SAMD4A: variants seen among roughly 807,000 people sequenced by gnomAD.
The protein encoded by SAMD4A is protein Smaug homolog 1.
A neutral mutation model predicts 81.3 loss-of-function variants in SAMD4A; 33 were observed. That is an observed-to-expected ratio of 0.41 (90% confidence interval 0.31 to 0.54). The LOEUF (loss-of-function observed/expected upper bound fraction) is 0.54, where lower values mean the gene tolerates loss of function less well. SAMD4A is among the 20% of genes least tolerant of loss of function. The probability of loss-of-function intolerance (pLI) is 0.37; values close to 1 mark genes in which losing one functional copy is unlikely to be tolerated. For missense variants in SAMD4A, 854 were observed against 951.1 expected (o/e 0.90, Z 1.34); for synonymous variants, 389 against 382.1 (o/e 1.02, Z -0.21).
chr14:54,708,719 T>A (rs761686126), intron 3 of SAMD4A, among the ~76,000 whole-genome samples: 2 of 151,632 alleles, frequency 1.3e-5, no homozygotes, highest in Admixed American at 6.6e-5. Flanking sequence ...GAGAGAAGAG[T>A]GATCAACTGA....
intron 2 of SAMD4A, among the ~76,000 whole-genome samples, chr14:54,577,783 CG>C (rs559256471): frequency 5.6e-4 from 85 of 152,012 alleles, no homozygotes; most frequent in East Asian, 1.9e-4. Flanking sequence ...GACAGAATGG[CG>C]GGGGGGCACT....
intron 6 of SAMD4A, 22 bp downstream of exon 6, chr14:54,751,559 C>G (rs2038101923): frequency 6.9e-7 from 1 of 1,449,872 alleles, no homozygotes; most frequent in South Asian, 1.2e-5. Flanking sequence ...GATGAGGGAA[C>G]ATTTCCACTT....
At chr14:54,721,471 G>A (rs1329699377) in intron 3 of SAMD4A, among the ~76,000 whole-genome samples, 1 of 152,140 alleles carries the variant, frequency 6.6e-6, no homozygotes, top group South Asian at 2.1e-4. Flanking sequence ...AATCTTTAAT[G>A]GGGAGTGTCT....
intron 12 of SAMD4A, 81 bp from the exon 13 acceptor site, chr14:54,788,835 C>G: frequency 6.4e-7 from 1 of 1,570,516 alleles, no homozygotes; most frequent in Non-Finnish European, 8.8e-7. Flanking sequence ...GGAGGCCCAC[C>G]GTGCATGGCG....
At chr14:54,657,240 T>G (rs1418156847) in intron 2 of SAMD4A, among the ~76,000 whole-genome samples, 5 of 152,240 alleles carry the variant, frequency 3.3e-5, no homozygotes, top group Non-Finnish European at 5.9e-5. Context: ...TTAATCCATC[T>G]ACCACCTATC....
intron 2 of SAMD4A, among the ~76,000 whole-genome samples, chr14:54,666,451 G>A (rs1296433874): frequency 6.6e-6 from 1 of 152,068 alleles, no homozygotes; most frequent in African/African-American, 2.4e-5. Context: ...CCACCTATAG[G>A]AAAAGTCGGC....
chr14:54,582,997 G>A (rs543761526), intron 2 of SAMD4A, among the ~76,000 whole-genome samples: 1 of 152,252 alleles, frequency 6.6e-6, no homozygotes, highest in South Asian at 2.1e-4. Flanking sequence ...AGGCTGGAGT[G>A]CAGTGGCGCA....
rs1007774768 is a variant in SAMD4A, at chr14:54,792,445, G to C, written c.*3501G>C. The C allele has an allele frequency of 6.6e-6, 1 of 152,054 alleles. No individual in the cohort carries two copies. The highest frequency in any genetic ancestry group is 1.5e-5 in the Non-Finnish European group (1 of 68,062). 9.4% of individuals were successfully genotyped at this position (152,054 alleles called of 1,614,324 possible). ...TTCTGCACCTCTTGTAGCTACTGCC[G>C]GTGCAAGGTTGTAGATGTTATTCCC... On this transcript the variant is annotated 3_prime_UTR_variant, in exon 13 of 13. Coordinates refer to ENST00000554335, the MANE Select transcript of SAMD4A (RefSeq NM_015589.6).
At chr14:54,685,655 T>C (rs913178413) in intron 2 of SAMD4A, 4 of 454,958 alleles carry the variant, frequency 8.8e-6, no homozygotes, top group African/African-American at 8.0e-5. Flanking sequence ...GAGAAGCTGA[T>C]TGTGGCTTTA....
chr14:54,664,272 C>A, intron 2 of SAMD4A, among the ~76,000 whole-genome samples: 1 of 152,114 alleles, frequency 6.6e-6, no homozygotes, highest in Non-Finnish European at 1.5e-5. Flanking sequence ...AGACAGTGGA[C>A]CCATCTTCAA....
chr14:54,631,787 G>C (rs116648667), intron 2 of SAMD4A, among the ~76,000 whole-genome samples: 2,081 of 152,060 alleles, frequency 0.014, 53 homozygotes, highest in African/African-American at 0.048. Flanking sequence ...GCATTTTTCT[G>C]ACCCTGTATA....
In SAMD4A at chr14:54,776,469, G is replaced by A; in HGVS notation, c.1973G>A (p.Ser658Asn). The A allele has an allele frequency of 1.3e-6, 2 of 1,596,188 alleles. No individual in the cohort carries two copies. The highest frequency in any genetic ancestry group is 8.5e-7 in the Non-Finnish European group (1 of 1,172,214). Residue 658 changes from serine to asparagine, a missense_variant, in exon 11 of 13, where the codon AGC becomes AAC. This residue lies in a region of SAMD4A where 428 missense variants were observed against 471.2 expected (regional missense o/e 0.91). Coordinates refer to ENST00000554335, the MANE Select transcript of SAMD4A (RefSeq NM_015589.6). ...GSNSMPSRTH[S>N]SVQRTRSLPV... is the part of the protein sequence containing the mutation. ...AATAGCATGCCAAGCCGCACCCACA[G>A]CTCAGTCCAGAGGACCCGCTCGCTG...
rs528937631 is a variant in SAMD4A at position 54,615,655 on chromosome 14, C to A, written c.196+47543C>A. Among the ~76,000 whole-genome samples, 12 of 152,274 alleles carry A rather than the reference C, an allele frequency of 7.9e-5. No homozygotes were observed. The East Asian group carries it at 2.3e-3, about 29-fold the overall frequency. The stretch of plus-strand genomic sequence containing the variant: ...TATTTATAAATGAACTTTTAGAACA[C>A]AAGTCATTCTGTTGTTGTGTTTATT... On this transcript the variant is annotated intron_variant, in intron 2 of 12. Coordinates refer to ENST00000554335, the MANE Select transcript of SAMD4A (RefSeq NM_015589.6).
rs147518050 is a variant in SAMD4A, at chr14:54,655,469, C to T, written c.197-46593C>T. Among the ~76,000 whole-genome samples the T allele has an allele frequency of 7.5e-3, 1,143 of 152,212 alleles. 22 individuals carry two copies. Among genetic ancestry groups the T allele is most frequent in the African/African-American group, 0.027 (1,108 of 41,536 alleles). ...TCCAGGAGCCGGGCGCAGTGGCTCA[C>T]GCCTGTAATCCCAGCACTTTGGGAG... On this transcript the variant is annotated intron_variant, in intron 2 of 12. Coordinates refer to ENST00000554335, the MANE Select transcript of SAMD4A (RefSeq NM_015589.6).
intron 2 of SAMD4A, among the ~76,000 whole-genome samples, chr14:54,630,024 T>C (rs1238440958): frequency 6.6e-6 from 1 of 152,192 alleles, no homozygotes; most frequent in African/African-American, 2.4e-5. Flanking sequence ...CTTTTGGAGG[T>C]TGAATAATAT....
chr14:54,686,683 G>T (rs1183416882), intron 2 of SAMD4A, among the ~76,000 whole-genome samples: 1 of 152,040 alleles, frequency 6.6e-6, no homozygotes, highest in Non-Finnish European at 1.5e-5. Context: ...TTGAGGGAGG[G>T]ACCGAAGCCA....
At chr14:54,722,467 A>C (rs1231047260) in intron 3 of SAMD4A, among the ~76,000 whole-genome samples, 1 of 152,202 alleles carries the variant, frequency 6.6e-6, no homozygotes, top group Non-Finnish European at 1.5e-5. Context: ...ATGAGGAATT[A>C]TCTACTTTAG....
At chr14:54,673,253 T>C (rs1465738831) in intron 2 of SAMD4A, among the ~76,000 whole-genome samples, 1 of 152,206 alleles carries the variant, frequency 6.6e-6, no homozygotes, top group Non-Finnish European at 1.5e-5. Flanking sequence ...GAGCAGCACA[T>C]GTTTGTCCAG....
chr14:54,697,303 T>C (rs1008350060), intron 2 of SAMD4A, among the ~76,000 whole-genome samples: 2 of 152,210 alleles, frequency 1.3e-5, no homozygotes, highest in African/African-American at 4.8e-5. Flanking sequence ...CGAGGAGCCA[T>C]CATCAGAGAG....
Sources: gnomAD v4.1 joint callset for allele counts (sites outside exome capture counted in the v4.1 genomes callset) on GRCh38, gnomAD v4.1.1 for gene constraint, gnomAD v4.1.1 regional missense constraint, MANE v1.5 for transcripts, NCBI Gene and HGNC (gene_info 2026-07-23, HGNC 2026-07-21) for gene names.